EXOC6B: variants seen among roughly 807,000 people sequenced by gnomAD.
The protein encoded by EXOC6B is SEC15 homolog B.
In EXOC6B, 54 loss-of-function variants were observed where a neutral mutation model predicts 113.5. The observed-to-expected ratio is 0.48, with a 90% CI of 0.38 to 0.60. The LOEUF (loss-of-function observed/expected upper bound fraction) is 0.60. EXOC6B is among the 20% of genes least tolerant of loss of function. The probability of loss-of-function intolerance (pLI) is 0.00; values close to 1 mark genes in which losing one functional copy is unlikely to be tolerated. For synonymous variants in EXOC6B, 357 were observed against 339.0 expected, an observed-to-expected ratio of 1.05 and a Z score of -0.58; for missense variants, 797 against 977.5, an observed-to-expected ratio of 0.82 and a Z score of 2.46.
At chr2:72,770,313 AC>A (rs145586515) in intron 1 of EXOC6B, among the ~76,000 whole-genome samples, 41,306 of 151,822 alleles carry the variant, frequency 0.27, 7,260 homozygotes, top group African/African-American at 0.5. Flanking sequence ...ACTATCTTAT[AC>A]CAGTAACTGT....
chr2:72,637,336 G>A (rs1672915406), intron 6 of EXOC6B, among the ~76,000 whole-genome samples: 3 of 152,104 alleles, frequency 2.0e-5, no homozygotes, highest in Non-Finnish European at 4.4e-5. Context: ...TCATCAGAGA[G>A]AAGAGACAAC....
intron 18 of EXOC6B, among the ~76,000 whole-genome samples, chr2:72,408,839 T>C (rs1693972951): frequency 6.6e-6 from 1 of 151,978 alleles, no homozygotes; most frequent in South Asian, 2.1e-4. Context: ...CCAAAAGCAA[T>C]GGCAGCAAAA....
intron 11 of EXOC6B, among the ~76,000 whole-genome samples, chr2:72,506,065 TAA>T (rs1296899247): frequency 6.6e-6 from 1 of 152,130 alleles, no homozygotes; most frequent in Non-Finnish European, 1.5e-5. Context: ...TATTTATAAA[TAA>T]GTCTGATCTA....
chr2:72,509,318 C>T (rs1700772696), intron 11 of EXOC6B, among the ~76,000 whole-genome samples: 1 of 152,134 alleles, frequency 6.6e-6, no homozygotes, highest in Admixed American at 6.5e-5. Flanking sequence ...TTAAACCACC[C>T]AGTCTATGAT....
intron 6 of EXOC6B, among the ~76,000 whole-genome samples, chr2:72,617,517 CTTTTTTTTTTT>C (rs201912352): frequency 5.5e-4 from 53 of 96,956 alleles, no homozygotes; most frequent in African/African-American, 1.9e-3. Context: ...AATCTTTTTT[CTTTTTTTTTTT>C]TTTTTTTTTT....
At chr2:72,745,206 A>T (rs1681615516) in intron 1 of EXOC6B, among the ~76,000 whole-genome samples, 1 of 152,168 alleles carries the variant, frequency 6.6e-6, no homozygotes, top group South Asian at 2.1e-4. Context: ...TAATTCCAGC[A>T]CTTTGGGAGG....
intron 20 of EXOC6B, among the ~76,000 whole-genome samples, chr2:72,189,802 TTC>T (rs1328204788): frequency 3.4e-5 from 5 of 146,582 alleles, no homozygotes; most frequent in African/African-American, 1.0e-4. Context: ...CCTTCCTTCT[TTC>T]TCTTTCTCTT....
intron 17 of EXOC6B, among the ~76,000 whole-genome samples, chr2:72,472,464 T>A (rs1026414563): frequency 6.6e-6 from 1 of 152,160 alleles, no homozygotes; most frequent in Non-Finnish European, 1.5e-5. Flanking sequence ...ATTCATCCAT[T>A]TCCTACAGAT....
At chr2:72,256,679 C>T (rs1683372144) in intron 20 of EXOC6B, among the ~76,000 whole-genome samples, 2 of 152,214 alleles carry the variant, frequency 1.3e-5, no homozygotes, top group African/African-American at 4.8e-5. Context: ...GCCCTCATCA[C>T]ACTGCCCCTA....
chr2:72,707,062 G>A (rs1049731845), intron 6 of EXOC6B, among the ~76,000 whole-genome samples: 4 of 152,140 alleles, frequency 2.6e-5, no homozygotes, highest in Non-Finnish European at 5.9e-5. Flanking sequence ...GCCCGTCTCA[G>A]CCTTAAAATC....
chr2:72,287,094 G>T (rs1685479862), intron 20 of EXOC6B, among the ~76,000 whole-genome samples: 1 of 151,966 alleles, frequency 6.6e-6, no homozygotes, highest in African/African-American at 2.4e-5. Flanking sequence ...AACTACTATT[G>T]CTGCTGCTGT....
chr2:72,636,379 A>AGGAAGGAAGGAG (rs1672831971), intron 6 of EXOC6B, among the ~76,000 whole-genome samples: 1 of 145,944 alleles, frequency 6.9e-6, no homozygotes, highest in Non-Finnish European at 1.5e-5. Flanking sequence ...GAAGCAAGGA[A>AGGAAGGAAGGAG]GCAAGGAAGG....
intron 8 of EXOC6B, among the ~76,000 whole-genome samples, chr2:72,539,903 C>G (rs1702502466): frequency 6.7e-6 from 1 of 150,354 alleles, no homozygotes. Flanking sequence ...CCCATTAACT[C>G]GTCATTTAGC....
At chr2:72,807,406 C>T (rs1190412509) in intron 1 of EXOC6B, among the ~76,000 whole-genome samples, 2 of 152,098 alleles carry the variant, frequency 1.3e-5, no homozygotes, top group South Asian at 2.1e-4. Flanking sequence ...CAGTACCATG[C>T]TATTTTGGTT....
intron 7 of EXOC6B, among the ~76,000 whole-genome samples, chr2:72,560,169 GA>G (rs1415395568): frequency 6.6e-6 from 1 of 151,558 alleles, no homozygotes; most frequent in East Asian, 1.9e-4. Context: ...GAAAGTAAAA[GA>G]AAAAAACATC....
chr2:72,821,137 C>A (rs947351156), intron 1 of EXOC6B, among the ~76,000 whole-genome samples: 2 of 151,906 alleles, frequency 1.3e-5, no homozygotes, highest in Non-Finnish European at 2.9e-5. Context: ...ATAGAGAACT[C>A]CTACAACTCA....
At chr2:72,246,130 C>A (rs868353445) in intron 20 of EXOC6B, among the ~76,000 whole-genome samples, 3 of 152,126 alleles carry the variant, frequency 2.0e-5, no homozygotes, top group Non-Finnish European at 4.4e-5. Flanking sequence ...CTCAAGCAAT[C>A]CTCCCACCCC....
chr2:72,193,232 T>C (rs759943665), intron 20 of EXOC6B, among the ~76,000 whole-genome samples: 1 of 152,216 alleles, frequency 6.6e-6, no homozygotes, highest in South Asian at 2.1e-4. Context: ...AGATGTGGAA[T>C]CATAATAGCT....
At chr2:72,600,837 A>G (rs1161948248) in intron 6 of EXOC6B, among the ~76,000 whole-genome samples, 1 of 152,200 alleles carries the variant, frequency 6.6e-6, no homozygotes, top group Non-Finnish European at 1.5e-5. Flanking sequence ...TGAAAGGAAA[A>G]AGTAATAAAC....
Sources: allele counts gnomAD v4.1 joint callset (sites outside exome capture counted in the v4.1 genomes callset), GRCh38; gene constraint gnomAD v4.1.1; transcripts MANE v1.5; gene names NCBI Gene and HGNC (gene_info 2026-07-23, HGNC 2026-07-21).